The following PKP4 variants were observed in gnomAD, a reference collection of about 807,000 sequenced individuals.
PKP4 encodes the protein plakophilin 4.
PKP4 carries 90 observed loss-of-function variants against 145.1 expected under a neutral mutation model. The observed-to-expected ratio is 0.62, with a 90% confidence interval of 0.52 to 0.74. PKP4 has a LOEUF of 0.74. PKP4 is among the 30% of genes least tolerant of loss of function. PKP4 has a pLI of 0.00. For missense variants in PKP4, 1,340 were observed against 1,482.7 expected (o/e 0.90, Z 1.58); for synonymous variants, 563 against 577.2 (o/e 0.98, Z 0.35).
At chr2:158,641,478 ATATTT>A (rs57505327) in intron 10 of PKP4, among the ~76,000 whole-genome samples, 9,098 of 152,168 alleles carry the variant, frequency 0.06, 612 homozygotes, top group African/African-American at 0.16. Flanking sequence ...ACATACATGA[ATATTT>A]TATTTCAGGG....
At chr2:158,659,497 T>C (rs576503932) in intron 12 of PKP4, 1 of 152,380 alleles carries the variant, frequency 6.6e-6, no homozygotes, top group South Asian at 2.1e-4. Context: ...AACCACATTC[T>C]ACCAGGAAGA....
intron 10 of PKP4, among the ~76,000 whole-genome samples, chr2:158,641,501 G>A (rs2054281101): frequency 6.6e-6 from 1 of 151,764 alleles, no homozygotes; most frequent in South Asian, 2.1e-4. Flanking sequence ...GGGTTTTTTT[G>A]GTATTTATAG....
intron 20 of PKP4, 52 bp from the exon 21 acceptor site, chr2:158,678,529 T>C: frequency 1.5e-6 from 2 of 1,305,174 alleles, no homozygotes; most frequent in Non-Finnish European, 1.1e-6. Context: ...CCCAGCCTAA[T>C]GGACCAGAGT....
At chr2:158,523,037 A>G (rs375965062) in intron 1 of PKP4, among the ~76,000 whole-genome samples, 29,678 of 151,720 alleles carry the variant, frequency 0.2, 3,694 homozygotes, top group Middle Eastern at 0.33. Context: ...ACTGCAAGGC[A>G]GCAGCGAGGC....
chr2:158,547,027 A>G (rs1251098335), intron 2 of PKP4, among the ~76,000 whole-genome samples: 1 of 152,204 alleles, frequency 6.6e-6, no homozygotes, highest in Non-Finnish European at 1.5e-5. Flanking sequence ...CTATTTTTGT[A>G]TCACCTATGA....
intron 1 of PKP4, among the ~76,000 whole-genome samples, chr2:158,488,322 C>A (rs998758201): frequency 6.6e-6 from 1 of 152,230 alleles, no homozygotes; most frequent in Admixed American, 6.5e-5. Context: ...GTTCCTTCAG[C>A]TTCTCATCAA....
intron 14 of PKP4, 72 bp downstream of exon 14, chr2:158,663,160 G>GA (rs539848911): frequency 1.3e-5 from 20 of 1,514,258 alleles, no homozygotes; most frequent in Non-Finnish European, 1.6e-5. Flanking sequence ...TATTTGGCAA[G>GA]AAAATAAATT....
intron 1 of PKP4, among the ~76,000 whole-genome samples, chr2:158,506,300 TAAGA>T (rs1427668800): frequency 1.3e-5 from 2 of 152,182 alleles, no homozygotes; most frequent in Non-Finnish European, 2.9e-5. Context: ...GAAGAAGGCC[TAAGA>T]GGAGCAGCTC....
At chr2:158,498,837 CA>C (rs1273914062) in intron 1 of PKP4, among the ~76,000 whole-genome samples, 62 of 130,744 alleles carry the variant, frequency 4.7e-4, no homozygotes, top group African/African-American at 1.6e-3. Flanking sequence ...TTTTTTCCTT[CA>C]GGGGTGAGAG....
At position 158,638,788 on chromosome 2, in the gene PKP4, G is replaced by A. The variant is rs185258603; in HGVS notation, c.1563-1839G>A. Among the ~76,000 whole-genome samples the A allele has an allele frequency of 3.3e-5, 5 of 152,292 alleles. No homozygotes were observed. The East Asian group carries it at 9.7e-4, about 29-fold the overall frequency. On this transcript the variant is annotated intron_variant, in intron 9 of 21. Coordinates refer to ENST00000389759, the MANE Select transcript of PKP4 (RefSeq NM_003628.6). ...CAGAACTTGCTGATGGATTCCATGA[G>A]GGAAGATGAAGAAAAGAGAGGAATC...
intron 1 of PKP4, among the ~76,000 whole-genome samples, chr2:158,529,692 T>C (rs1175283681): frequency 6.6e-6 from 1 of 152,234 alleles, no homozygotes; most frequent in African/African-American, 2.4e-5. Flanking sequence ...TATGATTCAC[T>C]CATTTTGCTC....
chr2:158,509,877 G>C (rs983355825), intron 1 of PKP4, among the ~76,000 whole-genome samples: 1 of 150,530 alleles, frequency 6.6e-6, no homozygotes, highest in African/African-American at 2.5e-5. Context: ...AACCCAGGAC[G>C]TGGAGGTTGC....
chr2:158,483,546 C>T (rs1362056288), intron 1 of PKP4, among the ~76,000 whole-genome samples: 1 of 152,064 alleles, frequency 6.6e-6, no homozygotes. Context: ...AATACAGCAT[C>T]ATAGAGACCA....
intron 4 of PKP4, among the ~76,000 whole-genome samples, chr2:158,605,774 A>G (rs574881382): frequency 6.6e-6 from 1 of 152,304 alleles, no homozygotes; most frequent in South Asian, 2.1e-4. Flanking sequence ...ACCATGTGCC[A>G]GTTAGCTGTC....
At chr2:158,464,928 T>A (rs1455247733) in intron 1 of PKP4, among the ~76,000 whole-genome samples, 1 of 152,246 alleles carries the variant, frequency 6.6e-6, no homozygotes, top group Non-Finnish European at 1.5e-5. Context: ...TGCATACTTA[T>A]TTAAAACGAT....
intron 1 of PKP4, among the ~76,000 whole-genome samples, chr2:158,528,917 C>A (rs1445597158): frequency 2.6e-5 from 4 of 152,158 alleles, no homozygotes; most frequent in Non-Finnish European, 5.9e-5. Flanking sequence ...ATACAGTAGA[C>A]AACATTCTGA....
At chr2:158,584,198 C>T (rs1314908832) in intron 3 of PKP4, among the ~76,000 whole-genome samples, 1 of 152,168 alleles carries the variant, frequency 6.6e-6, no homozygotes, top group East Asian at 1.9e-4. Flanking sequence ...TCTGCCTGGG[C>T]GGTATTCTGA....
At chr2:158,476,552 A>G (rs1267373612) in intron 1 of PKP4, among the ~76,000 whole-genome samples, 1 of 151,976 alleles carries the variant, frequency 6.6e-6, no homozygotes, top group Non-Finnish European at 1.5e-5. Flanking sequence ...GTTAGTCTTG[A>G]ACTTCTGACC....
chr2:158,529,361 T>A (rs1226378245), intron 1 of PKP4, among the ~76,000 whole-genome samples: 1 of 152,220 alleles, frequency 6.6e-6, no homozygotes, highest in Admixed American at 6.5e-5. Flanking sequence ...GGTCAAACTT[T>A]CTTTTCTTGT....
Sources: gnomAD v4.1 joint callset for allele counts (sites outside exome capture counted in the v4.1 genomes callset) on GRCh38, gnomAD v4.1.1 for gene constraint, MANE v1.5 for transcripts, NCBI Gene and HGNC (gene_info 2026-07-23, HGNC 2026-07-21) for gene names.